Variants in FER1L6 observed in about 807,000 individuals in gnomAD.
The protein encoded by FER1L6 is fer-1 like family member 6, also known as fer-1-like protein 6.
FER1L6 carries 177 observed loss-of-function variants against 219.2 expected under a neutral mutation model. The observed-to-expected ratio is 0.81, with a 90% confidence interval of 0.71 to 0.91. The LOEUF is 0.91. Among genes scored for constraint, FER1L6 ranks in the 40% least tolerant of loss-of-function variants. FER1L6 has a pLI of 0.00. For missense variants in FER1L6, 2,153 were observed against 2,259.9 expected (o/e 0.95, Z 0.96); for synonymous variants, 768 against 824.3 (o/e 0.93, Z 1.17).
intron 6 of FER1L6, 78 bp downstream of exon 6, chr8:123,970,175 A>G: frequency 7.9e-7 from 1 of 1,268,040 alleles, no homozygotes; most frequent in Non-Finnish European, 1.2e-6. Flanking sequence ...GGGACAACTC[A>G]GCATACTTAG....
intron 1 of FER1L6, among the ~76,000 whole-genome samples, chr8:123,916,937 C>T (rs1238900053): frequency 1.3e-5 from 2 of 152,156 alleles, no homozygotes; most frequent in Non-Finnish European, 2.9e-5. Flanking sequence ...CCTCTGCTTA[C>T]CAAGTGTGTC....
chr8:123,958,910 A>T (rs897306219), intron 2 of FER1L6, among the ~76,000 whole-genome samples: 2 of 151,560 alleles, frequency 1.3e-5, no homozygotes, highest in African/African-American at 4.9e-5. Context: ...GTGAGATTCG[A>T]CGGAACTGAA....
chr8:123,910,595 CA>C (rs1295292943), intron 1 of FER1L6, among the ~76,000 whole-genome samples: 1 of 151,424 alleles, frequency 6.6e-6, no homozygotes, highest in East Asian at 1.9e-4. Context: ...TTTTTGCGAC[CA>C]AAAAACCTAA....
chr8:123,969,608 T>A (rs966285669), intron 5 of FER1L6, among the ~76,000 whole-genome samples: 1 of 152,170 alleles, frequency 6.6e-6, no homozygotes, highest in African/African-American at 2.4e-5. Flanking sequence ...TTTGGAGGAT[T>A]ACTGACACAT....
intron 1 of FER1L6, among the ~76,000 whole-genome samples, chr8:123,937,953 T>C (rs1479436722): frequency 6.6e-6 from 1 of 152,220 alleles, no homozygotes; most frequent in East Asian, 1.9e-4. Context: ...AGTAACTTTA[T>C]TGCTCTAGGC....
intron 24 of FER1L6, 127 bp from the exon 25 acceptor site, chr8:124,061,725 C>G: frequency 1.2e-6 from 1 of 843,444 alleles, no homozygotes; most frequent in Non-Finnish European, 1.9e-6. Flanking sequence ...TTTTGGCAAT[C>G]TGCAGGACTG....
chr8:124,082,204 C>T (rs945820766), intron 32 of FER1L6, 84 bp from the exon 33 acceptor site: 11 of 1,039,594 alleles, frequency 1.1e-5, no homozygotes, highest in East Asian at 4.8e-5. Context: ...ACATGAATAG[C>T]GGGCTAGCTA....
intron 5 of FER1L6, 137 bp from the exon 6 acceptor site, chr8:123,969,898 A>G (rs764309907): frequency 1.5e-5 from 10 of 659,410 alleles, no homozygotes; most frequent in Admixed American, 1.3e-4. Context: ...AGAATTGACA[A>G]TTGACAATCA....
At chr8:123,992,855 T>A (rs1420916021) in intron 12 of FER1L6, among the ~76,000 whole-genome samples, 1 of 152,210 alleles carries the variant, frequency 6.6e-6, no homozygotes, top group African/African-American at 2.4e-5. Flanking sequence ...TCCTTCCTCT[T>A]AGCACTGCTT....
At chr8:124,027,661 G>A (rs906246674) in intron 18 of FER1L6, among the ~76,000 whole-genome samples, 4 of 152,282 alleles carry the variant, frequency 2.6e-5, no homozygotes, top group Non-Finnish European at 5.9e-5. Context: ...CTAGGCTCAA[G>A]CAATCCTCCC....
intron 39 of FER1L6, among the ~76,000 whole-genome samples, chr8:124,112,249 G>A (rs781215200): frequency 6.6e-6 from 1 of 152,186 alleles, no homozygotes; most frequent in Non-Finnish European, 1.5e-5. Flanking sequence ...GCGAGAGAGG[G>A]TTTGTTTATG....
At chr8:123,879,502 A>G (rs559947305) in intron 1 of FER1L6, among the ~76,000 whole-genome samples, 179 of 151,704 alleles carry the variant, frequency 1.2e-3, no homozygotes, top group Non-Finnish European at 2.1e-3. Flanking sequence ...AATTTTTTGT[A>G]TTTTAGTCGA....
Position 124,060,566 on chromosome 8 carries a change from C to G in FER1L6, c.3004C>G (p.Arg1002Gly). The change falls in exon 24 of 41, where the codon CGG (arginine) becomes GGG (glycine). Residue 1002 changes from arginine to glycine, a missense_variant. Physicochemically the swap from Arg to Gly is moderately radical, Grantham distance 125. Coordinates refer to ENST00000522917, the MANE Select transcript of FER1L6 (RefSeq NM_001039112.2). Reference protein sequence around the residue: ...YRVEVLFWGVREMKKVQLLSV... With the variant: ...YRVEVLFWGVGEMKKVQLLSV... ...TCCTCAGGTTCTCTTCTGGGGAGTTCGGGAAATGAAGAAGGTGCAGCTCCT... is the reference window on the plus strand; with the variant it reads ...TCCTCAGGTTCTCTTCTGGGGAGTTGGGGAAATGAAGAAGGTGCAGCTCCT... 1 of 1,613,840 alleles carries G rather than the reference C, an allele frequency of 6.2e-7. No homozygotes were observed. Among genetic ancestry groups the G allele is most frequent in the Non-Finnish European group, 8.5e-7 (1 of 1,179,918 alleles).
In FER1L6 at chr8:124,111,169, T is replaced by C. The variant is rs1434408209; in HGVS notation, c.5290-7675T>C. ...GAAAGTACTTACAACTTTTCTAAAG[T>C]AAATGCTCTAAGAGAAAAGAAAAGG... On this transcript the variant is annotated intron_variant, in intron 39 of 40. Coordinates refer to ENST00000522917, the MANE Select transcript of FER1L6 (RefSeq NM_001039112.2). The surrounding 1 kb of genome is among the most constrained non-coding windows in gnomAD (Gnocchi z 5.0). Among the ~76,000 whole-genome samples the C allele has an allele frequency of 1.3e-5, 2 of 152,192 alleles. No individual in the cohort carries two copies. The highest frequency in any genetic ancestry group is 1.3e-4 in the Admixed American group (2 of 15,278).
chr8:123,859,886 C>T (rs1398866259), intron 1 of FER1L6, among the ~76,000 whole-genome samples: 1 of 147,080 alleles, frequency 6.8e-6, no homozygotes, highest in Non-Finnish European at 1.5e-5. Context: ...ATGAACTCAT[C>T]ATTTTTTATG....
intron 2 of FER1L6, among the ~76,000 whole-genome samples, chr8:123,958,112 C>T (rs1476314470): frequency 6.6e-6 from 1 of 152,220 alleles, no homozygotes; most frequent in Non-Finnish European, 1.5e-5. Flanking sequence ...TATTGGGTAC[C>T]TCCCACAATC....
chr8:123,906,608 C>T (rs780352140), intron 1 of FER1L6, among the ~76,000 whole-genome samples: 13 of 151,688 alleles, frequency 8.6e-5, no homozygotes, highest in African/African-American at 1.7e-4. Flanking sequence ...AAGACCAGCC[C>T]GGCCAACACA....
chr8:124,068,828 A>T (rs551332035), intron 28 of FER1L6, among the ~76,000 whole-genome samples: 1 of 152,172 alleles, frequency 6.6e-6, no homozygotes, highest in South Asian at 2.1e-4. Flanking sequence ...CTGGATTTAT[A>T]TGTGCATGGG....
chr8:123,971,732 T>C (rs1197232748), intron 6 of FER1L6, among the ~76,000 whole-genome samples: 1 of 152,228 alleles, frequency 6.6e-6, no homozygotes. Flanking sequence ...ATATACGACA[T>C]GGGATAAGAA....
Sources: gnomAD v4.1 joint callset for allele counts (sites outside exome capture counted in the v4.1 genomes callset) on GRCh38, gnomAD v4.1.1 for gene constraint, Gnocchi (gnomAD v3.1) non-coding constraint, MANE v1.5 for transcripts, NCBI Gene and HGNC (gene_info 2026-07-23, HGNC 2026-07-21) for gene names.